The following BRCA1 variants were observed in gnomAD, a reference collection of about 807,000 sequenced individuals.
The protein encoded by BRCA1 is breast cancer type 1 susceptibility protein.
BRCA1 carries 140 observed loss-of-function variants against 173.7 expected under a neutral mutation model. The ratio of observed to expected loss-of-function variants is 0.81; its 90% CI spans 0.70 to 0.93. BRCA1 has a LOEUF of 0.93. Among genes scored for constraint, BRCA1 ranks in the 40% least tolerant of loss-of-function variants. The probability of loss-of-function intolerance (pLI) is 0.00; values close to 1 mark genes in which losing one functional copy is unlikely to be tolerated. For missense variants in BRCA1, 1,983 were observed against 2,172.5 expected, an observed-to-expected ratio of 0.91 and a Z score of 1.73; for synonymous variants, 662 against 756.0, an observed-to-expected ratio of 0.88 and a Z score of 2.04.
chr17:43,126,408 C>A (rs1311698928), upstream of BRCA1, among the ~76,000 whole-genome samples: 3 of 152,126 alleles, frequency 2.0e-5, no homozygotes, highest in Non-Finnish European at 4.4e-5. Context: ...GAGCTGGCAG[C>A]GGACGGTCTT....
chr17:43,049,193 A>G lies in BRCA1; in HGVS notation c.5334T>C (p.Asp1778=), dbSNP rs754152768. 34 of 1,613,854 alleles carry G rather than the reference A, an allele frequency of 2.1e-5. No homozygotes were observed. Among genetic ancestry groups the G allele is most frequent in the Non-Finnish European group, 2.7e-5 (32 of 1,179,852 alleles). The change falls in exon 21 of 23, where the codon GAT becomes GAC. Residue 1778 remains aspartate, a splice_region_variant and synonymous_variant. Transcript: ENST00000357654. ...CYGPFTNMPT[D]QLEWMVQLCG... ...ACAGCTGTACCATCCATTCCAGTTGATCTAAAATGGACATTTAGATGTAAA... is the reference window on the plus strand; with the variant it reads ...ACAGCTGTACCATCCATTCCAGTTGGTCTAAAATGGACATTTAGATGTAAA...
chr17:43,150,438 G>A (rs1171092813), intron 1 of BRCA1, among the ~76,000 whole-genome samples: 2 of 152,212 alleles, frequency 1.3e-5, no homozygotes, highest in African/African-American at 4.8e-5. Flanking sequence ...CTGCAGATTG[G>A]CTCAAATGTC....
chr17:43,142,300 A>G (rs1039554655), intron 1 of BRCA1, among the ~76,000 whole-genome samples: 11 of 152,088 alleles, frequency 7.2e-5, no homozygotes, highest in African/African-American at 2.7e-4. Flanking sequence ...TGTCCTGGTG[A>G]CTTAACAGTG....
rs431825383 is a variant in BRCA1, at chr17:43,124,109, C to T, written c.-13G>A. On this transcript the variant is annotated 5_prime_UTR_variant, in exon 2 of 23. Coordinates refer to ENST00000357654, the MANE Select transcript of BRCA1 (RefSeq NM_007294.4). ...CAGATAAATCCATTTCTTTCTGTTC[C>T]AATGAACTTTAACACATTAGAAAAA... The T allele has an allele frequency of 6.3e-7, 1 of 1,598,114 alleles. No individual in the cohort carries two copies. The highest frequency in any genetic ancestry group is 8.6e-7 in the Non-Finnish European group (1 of 1,165,764).
intron 19 of BRCA1, among the ~76,000 whole-genome samples, chr17:43,056,102 T>C (rs2153274676): frequency 6.6e-6 from 1 of 152,230 alleles, no homozygotes; most frequent in East Asian, 1.9e-4. Flanking sequence ...ACATAGCTCA[T>C]AGAGTTGTCA....
At chr17:43,168,427 C>T (rs1465372043) in intron 1 of BRCA1, among the ~76,000 whole-genome samples, 1 of 152,168 alleles carries the variant, frequency 6.6e-6, no homozygotes, top group East Asian at 1.9e-4. Context: ...GACCTGAGGT[C>T]GGGAGTTCAA....
rs80357425 is a variant in BRCA1, at chr17:43,093,652, C to T, written c.1879G>A (p.Val627Ile). 8.7e-6 allele frequency: 14 copies of T among 1,613,964 alleles called. No homozygotes were observed. The East Asian group carries it at 1.6e-4, about 18-fold the overall frequency. Residue 627 changes from valine (V) to isoleucine (I), a missense_variant, in exon 10 of 23, where the codon GTC becomes ATC. Val to Ile is a conservative substitution (Grantham distance 29). Coordinates refer to ENST00000357654, the MANE Select transcript of BRCA1 (RefSeq NM_007294.4). ...TTAGGTGGGCTTAGATTTCTACTGACTACTAGTTCAAGCGCATGAATATGC... is the reference window on the plus strand; with the variant it reads ...TTAGGTGGGCTTAGATTTCTACTGATTACTAGTTCAAGCGCATGAATATGC... ...TRHIHALELV[V>I]SRNLSPPNCT...
chr17:43,046,944 A>G (rs754747408), intron 22 of BRCA1, among the ~76,000 whole-genome samples: 2 of 152,090 alleles, frequency 1.3e-5, no homozygotes, highest in Non-Finnish European at 2.9e-5. Flanking sequence ...AAATGTATGT[A>G]ATATCTTAAG....
chr17:43,127,177 A>T (rs1462082147), upstream of BRCA1, among the ~76,000 whole-genome samples: 1 of 152,194 alleles, frequency 6.6e-6, no homozygotes, highest in Non-Finnish European at 1.5e-5. Context: ...GCCCGGTCCC[A>T]TCGACTGCCC....
chr17:43,081,373 C>T (rs2052996649), intron 12 of BRCA1, among the ~76,000 whole-genome samples: 1 of 152,174 alleles, frequency 6.6e-6, no homozygotes, highest in Non-Finnish European at 1.5e-5. Context: ...TCTTCCTGAA[C>T]ACAAAAATAC....
chr17:43,117,584 C>T (rs2055353841), intron 2 of BRCA1, among the ~76,000 whole-genome samples: 1 of 152,018 alleles, frequency 6.6e-6, no homozygotes, highest in African/African-American at 2.4e-5. Context: ...ACTAAAAATA[C>T]CAAAACTAAC....
At chr17:43,098,487 TA>T (rs2054229421) in intron 7 of BRCA1, among the ~76,000 whole-genome samples, 1 of 151,784 alleles carries the variant, frequency 6.6e-6, no homozygotes, top group African/African-American at 2.4e-5. Flanking sequence ...GCCTCCCAAG[TA>T]GCTGGGATTA....
chr17:43,109,942 T>C (rs1222924693), intron 3 of BRCA1, among the ~76,000 whole-genome samples: 1 of 151,886 alleles, frequency 6.6e-6, no homozygotes, highest in South Asian at 2.1e-4. Flanking sequence ...TCTCTCAGGC[T>C]GGAGTGCAGT....
rs190126659 is a variant in BRCA1 at position 43,086,012 on chromosome 17, T to C, written c.4186-3437A>G. ...TCGACATGTTGTGAATATTTTCAAA[T>C]ATACAGAAAACTTGAAGCAACTTTG... On this transcript the variant is annotated intron_variant, in intron 11 of 22. Transcript: ENST00000357654. Among the ~76,000 whole-genome samples the C allele has an allele frequency of 1.6e-3, 248 of 152,206 alleles. 1 individual carries two copies. The highest frequency in any genetic ancestry group is 5.3e-3 in the African/African-American group (222 of 41,518).
chr17:43,091,197 C>G, intron 10 of BRCA1, 165 bp from the exon 11 acceptor site: 7 of 888,158 alleles, frequency 7.9e-6, no homozygotes, highest in Non-Finnish European at 1.1e-5. Flanking sequence ...TAAAATGAAA[C>G]CAGAAGTAAG....
chr17:43,067,677 C>T lies in BRCA1; in HGVS notation c.5005G>A (p.Ala1669Thr), dbSNP rs80357087. The T allele has an allele frequency of 6.2e-7, 1 of 1,612,632 alleles. No individual in the cohort carries two copies. The highest frequency in any genetic ancestry group is 8.5e-7 in the Non-Finnish European group (1 of 1,178,782). The change falls in exon 16 of 23, where the codon GCC becomes ACC. Residue 1669 changes from alanine (A) to threonine (T), a missense_variant. Transcript: ENST00000357654. ...GTTAAAGTGATGTGGTGTTTTCTGG[C>T]AAACTTGTACACGAGCATCTGAAAT... The part of the protein sequence containing the change: ...PEEFMLVYKF[A>T]RKHHITLTNL...
At chr17:43,156,923 G>A (rs1364715911) in intron 1 of BRCA1, among the ~76,000 whole-genome samples, 1 of 152,154 alleles carries the variant, frequency 6.6e-6, no homozygotes, top group African/African-American at 2.4e-5. Context: ...CCTGATGAGA[G>A]TAAATGTTTA....
Position 43,071,204 on chromosome 17 carries a change from G to A in BRCA1, c.4710C>T (p.Leu1570=), listed in dbSNP as rs786201839. 35 of 1,614,106 alleles carry A rather than the reference G, an allele frequency of 2.2e-5. No homozygotes were observed. The highest frequency in any genetic ancestry group is 3.0e-5 in the Non-Finnish European group (35 of 1,180,038). Residue 1570 remains leucine, a synonymous_variant, in exon 15 of 23, where the codon CTC becomes CTT. Coordinates refer to ENST00000357654, the MANE Select transcript of BRCA1 (RefSeq NM_007294.4). ...GTPYLESGIS[L]FSDDPESDPS... ...GATCAGATTCAGGGTCATCAGAGAA[G>A]AGGCTGATTCCAGATTCCAGGTAAG...
At chr17:43,075,386 G>T (rs2154033849) in intron 13 of BRCA1, among the ~76,000 whole-genome samples, 1 of 152,248 alleles carries the variant, frequency 6.6e-6, no homozygotes, top group East Asian at 1.9e-4. Context: ...CCAGTAAATA[G>T]TTCCTCTGCT....
Sources: allele counts gnomAD v4.1 joint callset (sites outside exome capture counted in the v4.1 genomes callset), GRCh38; gene constraint gnomAD v4.1.1; transcripts MANE v1.5; gene names NCBI Gene and HGNC (gene_info 2026-07-23, HGNC 2026-07-21).